Variants in CDCA5 observed in about 807,000 individuals in gnomAD.
CDCA5 encodes sororin.
Under a neutral mutation model 25.7 loss-of-function variants are expected in CDCA5, and 14 were observed. That is an observed-to-expected ratio of 0.54 (90% CI 0.36 to 0.85). CDCA5 has a LOEUF of 0.85. Ranked by LOEUF, CDCA5 falls within the 40% of genes least tolerant of loss-of-function variation. The pLI is 0.01. For missense variants in CDCA5, 307 were observed against 324.5 expected (o/e 0.95, Z 0.41); for synonymous variants, 127 against 128.7 (o/e 0.99, Z 0.09).
At chr11:65,075,659 T>C (rs187246133), downstream of CDCA5, among the ~76,000 whole-genome samples, 184 of 152,300 alleles carry the variant, frequency 1.2e-3, no homozygotes, top group African/African-American at 4.4e-3. Context: ...GCTCTGCTAA[T>C]GGCACAGAGA....
chr11:65,081,384 C>T (rs951822989), intron 4 of CDCA5, among the ~76,000 whole-genome samples: 6 of 151,742 alleles, frequency 4.0e-5, no homozygotes, highest in South Asian at 2.1e-4. Flanking sequence ...GCCGAGATTG[C>T]GCCACTGCAC....
Position 65,068,715 on chromosome 11 carries a change from G to A in CDCA5, c.64-114C>T, listed in dbSNP as rs188457599. On this transcript the variant is annotated intron_variant, in intron 1 of 6. Coordinates refer to the CDCA5 transcript ENST00000525464. ...CCAGCCTGGCGAGCGTCTATCACCAGCTCTGTCCAGCAAGCCAGACCCCCT... is the reference window on the plus strand; with the variant it reads ...CCAGCCTGGCGAGCGTCTATCACCAACTCTGTCCAGCAAGCCAGACCCCCT... The A allele has an allele frequency of 9.9e-5, 44 of 444,838 alleles. No homozygotes were observed. In the Middle Eastern group the frequency reaches 1.1e-3, roughly 11 times the overall value. 27.6% of individuals were successfully genotyped at this position (444,838 alleles called of 1,614,324 possible). A position where few individuals can be genotyped will look rare whatever the true frequency, so the allele number is the denominator to read the frequency against.
chr11:65,067,844 C>T (rs763776828), intron 3 of CDCA5: 52 of 924,550 alleles, frequency 5.6e-5, no homozygotes, highest in Admixed American at 9.6e-5. Context: ...CCAAAGGCCC[C>T]GGCTTCAGCA....
intron 4 of CDCA5, among the ~76,000 whole-genome samples, chr11:65,082,059 T>G (rs901170051): frequency 2.0e-5 from 3 of 152,180 alleles, no homozygotes; most frequent in African/African-American, 7.2e-5. Flanking sequence ...CTGAACCCAG[T>G]ACTGTATATC....
chr11:65,064,246 G>A (rs375359695), downstream of CDCA5, among the ~76,000 whole-genome samples: 18 of 151,896 alleles, frequency 1.2e-4, no homozygotes, highest in African/African-American at 2.9e-4. Context: ...GTGAAACCCC[G>A]TCTCTACTAA....
In CDCA5 at chr11:65,079,026, C is replaced by T; in HGVS notation, c.*81G>A. On this transcript the variant is annotated 3_prime_UTR_variant, in exon 6 of 6. Transcript: ENST00000275517. ...CAGGTAACAAGACCAGGGGAGGGGA[C>T]CCTAAGTGTCCTCTCCACAGGGAGG... 7.1e-7 allele frequency: 1 copy of T among 1,400,644 alleles called. No homozygotes were observed. The allele number at this position is 1,400,644 out of a possible 1,614,324, so 86.8% of individuals were successfully genotyped here.
chr11:65,079,058 T>G lies in CDCA5; in HGVS notation c.*49A>C. 6.8e-7 allele frequency: 1 copy of G among 1,477,030 alleles called. No homozygotes were observed. Among genetic ancestry groups the G allele is most frequent in the Non-Finnish European group, 9.0e-7 (1 of 1,114,420 alleles). The allele number at this position is 1,477,030 out of a possible 1,614,324, so 91.5% of individuals were successfully genotyped here. On this transcript the variant is annotated 3_prime_UTR_variant, in exon 6 of 6. Coordinates refer to ENST00000275517, the MANE Select transcript of CDCA5 (RefSeq NM_080668.4). The stretch of plus-strand genomic sequence containing the variant: ...TGTCCTCTCCACAGGGAGGTGGCTA[T>G]GTACAGGACAGGAGGGAGAGTCTGG...
downstream of CDCA5, among the ~76,000 whole-genome samples, chr11:65,075,345 C>A (rs571287996): frequency 6.6e-6 from 1 of 151,918 alleles, no homozygotes; most frequent in Non-Finnish European, 1.5e-5. Context: ...TGCAGTCAGC[C>A]GAGATTGCAC....
In CDCA5 at chr11:65,079,761, G is replaced by A. The variant is rs552819732; in HGVS notation, c.270C>T (p.Asn90=). Residue 90 remains asparagine, a synonymous_variant, in exon 5 of 6, where the codon AAC becomes AAT. Coordinates refer to ENST00000275517, the MANE Select transcript of CDCA5 (RefSeq NM_080668.4). ...PRISFFLEKE[N]EPPGRELTKE... ...TAGTAAGCTCCCTGCCAGGGGGCTC[G>A]TTTTCTTTCTCCAAGAAAAAGGAAA... 9 of 1,480,754 alleles carry A rather than the reference G, an allele frequency of 6.1e-6. No individual in the cohort carries two copies. Among genetic ancestry groups the A allele is most frequent in the Admixed American group, 2.6e-5 (1 of 38,914 alleles). 91.7% of individuals were successfully genotyped at this position (1,480,754 alleles called of 1,614,324 possible). A position where few individuals can be genotyped will look rare whatever the true frequency, so the allele number is the denominator to read the frequency against.
downstream of CDCA5, among the ~76,000 whole-genome samples, chr11:65,077,243 C>A (rs991089725): frequency 5.3e-5 from 8 of 151,978 alleles, no homozygotes; most frequent in Non-Finnish European, 7.4e-5. Context: ...ACTGAGATCA[C>A]GCCACTGGAC....
chr11:65,078,614 C>T lies in CDCA5; in HGVS notation c.*493G>A. 1 of 987,144 alleles carries T rather than the reference C, an allele frequency of 1.0e-6. No individual in the cohort carries two copies. Among genetic ancestry groups the T allele is most frequent in the Non-Finnish European group, 1.2e-6 (1 of 831,158 alleles). The allele number at this position is 987,144 out of a possible 1,614,324, so 61.1% of individuals were successfully genotyped here. On this transcript the variant is annotated 3_prime_UTR_variant, in exon 6 of 6. Transcript: ENST00000275517. ...ACTATTTACAGAATCAAAGGGGAAA[C>T]CCACGGAACTGAAAACCTCTTTACA...
rs538784004 is a variant in CDCA5 at position 65,078,575 on chromosome 11, G to A, written c.*532C>T. The stretch of plus-strand genomic sequence containing the variant: ...CAAGACAGAATTGCCCTCAGCCCAC[G>A]AATTCTCTCTGGGACTATTTACAGA... On this transcript the variant is annotated 3_prime_UTR_variant, in exon 6 of 6. Coordinates refer to ENST00000275517, the MANE Select transcript of CDCA5 (RefSeq NM_080668.4). 1 of 985,722 alleles carries A rather than the reference G, an allele frequency of 1.0e-6. No individual in the cohort carries two copies. Among genetic ancestry groups the A allele is most frequent in the Non-Finnish European group, 1.2e-6 (1 of 830,210 alleles). The allele number at this position is 985,722 out of a possible 1,614,324, so 61.1% of individuals were successfully genotyped here.
At chr11:65,069,108 C>T (rs901381519) in intron 1 of CDCA5, among the ~76,000 whole-genome samples, 21 of 151,956 alleles carry the variant, frequency 1.4e-4, no homozygotes, top group African/African-American at 1.2e-4. Context: ...GGCATCGTGG[C>T]GTGTGCCTGT....
chr11:65,071,253 T>A (rs186351494), intron 1 of CDCA5, among the ~76,000 whole-genome samples: 15 of 151,622 alleles, frequency 9.9e-5, no homozygotes, highest in African/African-American at 2.9e-4. Flanking sequence ...GGATTTTGGA[T>A]TTTCAACCCA....
chr11:65,071,277 C>A (rs1448658144), intron 1 of CDCA5, among the ~76,000 whole-genome samples: 1 of 151,558 alleles, frequency 6.6e-6, no homozygotes, highest in South Asian at 2.1e-4. Flanking sequence ...ATGCATACCC[C>A]ATATGTGGCA....
In CDCA5 at chr11:65,079,279, CAA is replaced by C. The variant is rs546928568; in HGVS notation, c.678+72_678+73del. 5.6e-5 allele frequency: 91 copies of C among 1,610,740 alleles called. 1 individual carries two copies. The African/African-American group carries it at 1.0e-3, about 18-fold the overall frequency. On this transcript the variant is annotated intron_variant, in intron 5 of 5. Transcript: ENST00000275517. ...CACCCTGCAGGTGCTGCCTATCCCC[CAA>C]AAGAGCCAGAGCCCCAGCCCTGCAC...
chr11:65,079,548 G>T lies in CDCA5; in HGVS notation c.483C>A (p.Gly161=). Residue 161 remains glycine (G), a synonymous_variant, in exon 5 of 6, where the codon GGC becomes GGA. Transcript: ENST00000275517. Reference sequence around the variant, plus strand: ...CCTCGAAGCCAAAGCAGGACCGGCGGCCTGGGGTGGAGGTAGAGGCAGAGC... The same window carrying T: ...CCTCGAAGCCAAAGCAGGACCGGCGTCCTGGGGTGGAGGTAGAGGCAGAGC... ...TLGSASTSTP[G]RRSCFGFEGL... is the part of the protein sequence containing the mutation. 3 of 1,614,138 alleles carry T rather than the reference G, an allele frequency of 1.9e-6. No homozygotes were observed. The highest frequency in any genetic ancestry group is 1.6e-4 in the Middle Eastern group (1 of 6,062).
Position 65,079,374 on chromosome 11 carries a change from C to T in CDCA5, c.657G>A (p.Lys219=). The change falls in exon 5 of 6, where the codon AAG becomes AAA. Residue 219 remains lysine, a synonymous_variant. Coordinates refer to ENST00000275517, the MANE Select transcript of CDCA5 (RefSeq NM_080668.4). ...SPPPEKQKRK[K]KKMPEILKTE... ...TCACCAAGATCTCTGGCATTTTCTT[C>T]TTCTTACGTTTCTGTTTCTCGGGTG... 6.2e-7 allele frequency: 1 copy of T among 1,614,090 alleles called. No individual in the cohort carries two copies. Among genetic ancestry groups the T allele is most frequent in the Non-Finnish European group, 8.5e-7 (1 of 1,180,008 alleles).
chr11:65,068,703 C>A (rs1421598003), intron 1 of CDCA5: 4 of 542,976 alleles, frequency 7.4e-6, no homozygotes, highest in South Asian at 1.7e-5. Flanking sequence ...GCCTGGCGAG[C>A]GTCTATCACC....
Sources: gnomAD v4.1 joint callset for allele counts (sites outside exome capture counted in the v4.1 genomes callset) on GRCh38, gnomAD v4.1.1 for gene constraint, MANE v1.5 for transcripts, NCBI Gene and HGNC (gene_info 2026-07-23, HGNC 2026-07-21) for gene names.